Variants in CASQ2 observed in about 807,000 individuals in gnomAD.
The protein encoded by CASQ2 is calsequestrin-2.
A neutral mutation model predicts 46.5 loss-of-function variants in CASQ2; 49 were observed. The ratio of observed to expected loss-of-function variants is 1.05; its 90% CI spans 0.84 to 1.34. The LOEUF (loss-of-function observed/expected upper bound fraction) is 1.34, where lower values mean the gene tolerates loss of function less well. Among genes scored for constraint, CASQ2 ranks in the 40% most tolerant of loss-of-function variants. The pLI is 0.00. For synonymous variants in CASQ2, 174 were observed against 168.5 expected (o/e 1.03, Z -0.25); for missense variants, 486 against 481.3 (o/e 1.01, Z -0.09).
Position 115,754,446 on chromosome 1 carries a change from A to G in CASQ2, c.235-9534T>C, listed in dbSNP as rs555067695. On this transcript the variant is annotated intron_variant, in intron 1 of 10. Transcript: ENST00000261448. ...AGGCTATATAACAACAACAATTTTT[A>G]AAAAAGCACTTACTGGGTGTTTACT... Among the ~76,000 whole-genome samples the G allele has an allele frequency of 1.4e-4, 21 of 152,326 alleles. No homozygotes were observed. In the South Asian group the frequency reaches 4.1e-3, roughly 30 times the overall value.
chr1:115,738,343 GC>G lies in CASQ2; in HGVS notation c.421-9del. 2 of 1,523,740 alleles carry G rather than the reference GC, an allele frequency of 1.3e-6. No individual in the cohort carries two copies. The highest frequency in any genetic ancestry group is 1.8e-6 in the Non-Finnish European group (2 of 1,097,658). 94.4% of individuals were successfully genotyped at this position (1,523,740 alleles called of 1,614,324 possible). On this transcript the variant is annotated splice_polypyrimidine_tract_variant and intron_variant, in intron 3 of 10. Coordinates refer to ENST00000261448, the MANE Select transcript of CASQ2 (RefSeq NM_001232.4). ...CACTGGGTCTTCAATTAGCTGAAAT[GC>G]CACACGCACATACACACATGTTCAA...
chr1:115,749,555 C>G (rs9428218), intron 1 of CASQ2, among the ~76,000 whole-genome samples: 66,338 of 152,000 alleles, frequency 0.44, 16,849 homozygotes, highest in Non-Finnish European at 0.58. Flanking sequence ...TAGGCAAAAT[C>G]CCTCCAGAAT....
intron 2 of CASQ2, 89 bp from the exon 3 acceptor site, chr1:115,740,917 G>A (rs1648155326): frequency 1.2e-6 from 1 of 862,016 alleles, no homozygotes; most frequent in Non-Finnish European, 1.9e-6. Context: ...GGGTTTCTGG[G>A]TGACAGTGGG....
rs76607011 is a variant in CASQ2, at chr1:115,704,739, C to T, written c.939+453G>A. Among the ~76,000 whole-genome samples, 62 of 152,300 alleles carry T rather than the reference C, an allele frequency of 4.1e-4. No individual in the cohort carries two copies. In the East Asian group the frequency reaches 4.4e-3, roughly 11 times the overall value. On this transcript the variant is annotated intron_variant, in intron 9 of 10. Coordinates refer to ENST00000261448, the MANE Select transcript of CASQ2 (RefSeq NM_001232.4). ...ACTATGCTAGGTCCTGGGGAGAACA[C>T]GATGAACATGACAGGCACGCTCGCT...
chr1:115,731,817 G>A (rs1647793517), intron 5 of CASQ2, among the ~76,000 whole-genome samples: 1 of 152,214 alleles, frequency 6.6e-6, no homozygotes, highest in Non-Finnish European at 1.5e-5. Context: ...AGGATGAAGT[G>A]AGAAAATCCA....
intron 4 of CASQ2, among the ~76,000 whole-genome samples, chr1:115,737,143 G>A (rs192531244): frequency 2.6e-5 from 4 of 152,240 alleles, no homozygotes; most frequent in Non-Finnish European, 4.4e-5. Flanking sequence ...GCACTGATAC[G>A]GAAATGTACA....
intron 7 of CASQ2, among the ~76,000 whole-genome samples, chr1:115,718,303 G>A (rs1255737325): frequency 6.6e-6 from 1 of 152,190 alleles, no homozygotes; most frequent in Non-Finnish European, 1.5e-5. Flanking sequence ...CTCAGTAAAA[G>A]CAGCTGTCAG....
At chr1:115,741,741 T>C (rs1648185399) in intron 2 of CASQ2, among the ~76,000 whole-genome samples, 1 of 152,222 alleles carries the variant, frequency 6.6e-6, no homozygotes, top group African/African-American at 2.4e-5. Context: ...TGGTCTGATG[T>C]TGTGTACCTT....
chr1:115,731,863 A>G (rs1334950635), intron 5 of CASQ2, among the ~76,000 whole-genome samples: 2 of 152,120 alleles, frequency 1.3e-5, no homozygotes, highest in Non-Finnish European at 2.9e-5. Flanking sequence ...GCACAAAGAG[A>G]CTTCTTAGCA....
chr1:115,742,483 C>G (rs7518122), intron 2 of CASQ2, among the ~76,000 whole-genome samples: 108,038 of 151,994 alleles, frequency 0.71, 42,128 homozygotes, highest in Non-Finnish European at 0.88. Context: ...AATACCTCCA[C>G]TCTCCTATAA....
At chr1:115,727,740 G>C (rs1470448627) in intron 5 of CASQ2, among the ~76,000 whole-genome samples, 2 of 152,184 alleles carry the variant, frequency 1.3e-5, no homozygotes, top group Admixed American at 6.5e-5. Context: ...ATCTTGCTTT[G>C]TTCTGGGTGG....
At chr1:115,757,219 G>A (rs1648792670) in intron 1 of CASQ2, among the ~76,000 whole-genome samples, 2 of 152,238 alleles carry the variant, frequency 1.3e-5, no homozygotes, top group South Asian at 4.1e-4. Flanking sequence ...TAGCATTTCT[G>A]TTCTTTTACC....
In CASQ2 at chr1:115,715,850, A is replaced by G. The variant is rs139740920; in HGVS notation, c.838+1990T>C. 1.5e-3 allele frequency among the ~76,000 whole-genome samples: 235 copies of G among 152,314 alleles called. 1 individual carries two copies. The highest frequency in any genetic ancestry group is 5.5e-3 in the African/African-American group (227 of 41,576). On this transcript the variant is annotated intron_variant, in intron 8 of 10. Coordinates refer to ENST00000261448, the MANE Select transcript of CASQ2 (RefSeq NM_001232.4). ...GTCTTGGTTGGTCATCTAACTCTCT[A>G]ATCATCTGCCAGACAAATATTTATT... is the stretch of plus-strand genomic sequence containing the variant.
chr1:115,744,728 A>G (rs1648324035), intron 2 of CASQ2, 100 bp downstream of exon 2: 2 of 787,152 alleles, frequency 2.5e-6, no homozygotes, highest in African/African-American at 1.7e-5. Context: ...ATATTTTAAA[A>G]GATAGTCCGC....
rs1457706230 is a variant in CASQ2, at chr1:115,738,266, A to G, written c.490T>C (p.Tyr164His). 5.0e-6 allele frequency: 8 copies of G among 1,613,622 alleles called. No individual in the cohort carries two copies. Among genetic ancestry groups the G allele is most frequent in the Non-Finnish European group, 6.8e-6 (8 of 1,179,486 alleles). ...TTGAAAAAGCCAATGAGTTTGATGT[A>G]GTCTTCAATGCGTTCGAAGGCTTGG... ...EVQAFERIED[Y>H]IKLIGFFKSE... The change falls in exon 4 of 11, where the codon TAC (tyrosine) becomes CAC (histidine). Residue 164 changes from tyrosine (Y) to histidine (H), a missense_variant. By Grantham distance (83) the Tyr-to-His change is moderately conservative. Transcript: ENST00000261448.
At chr1:115,762,805 G>C (rs1477792390) in intron 1 of CASQ2, among the ~76,000 whole-genome samples, 1 of 152,192 alleles carries the variant, frequency 6.6e-6, no homozygotes, top group Admixed American at 6.5e-5. Context: ...AGGTCTTGGA[G>C]TTAGGGACAG....
chr1:115,737,594 C>A (rs1467717657), intron 4 of CASQ2, among the ~76,000 whole-genome samples: 2 of 152,174 alleles, frequency 1.3e-5, no homozygotes, highest in Non-Finnish European at 2.9e-5. Flanking sequence ...GTCCCTTCTG[C>A]CTGCTCTTCC....
chr1:115,719,447 T>G (rs908998223), intron 7 of CASQ2, among the ~76,000 whole-genome samples: 1 of 152,238 alleles, frequency 6.6e-6, no homozygotes, highest in Non-Finnish European at 1.5e-5. Flanking sequence ...CTGTGTGCCC[T>G]GCTAGAACGC....
chr1:115,706,145 T>TGTGC (rs1167882640), intron 8 of CASQ2, among the ~76,000 whole-genome samples: 1 of 149,764 alleles, frequency 6.7e-6, no homozygotes, highest in Non-Finnish European at 1.5e-5. Flanking sequence ...CCTGTGTGTG[T>TGTGC]GTGCGTGCGT....
Sources: gnomAD v4.1 joint callset for allele counts (sites outside exome capture counted in the v4.1 genomes callset) on GRCh38, gnomAD v4.1.1 for gene constraint, MANE v1.5 for transcripts, NCBI Gene and HGNC (gene_info 2026-07-23, HGNC 2026-07-21) for gene names.